Variants in GPC6 observed in about 807,000 individuals in gnomAD.
The protein encoded by GPC6 is glypican 6.
A neutral mutation model predicts 55.2 loss-of-function variants in GPC6; 14 were observed. That is an observed-to-expected ratio of 0.25 (90% confidence interval 0.17 to 0.40). The LOEUF (loss-of-function observed/expected upper bound fraction) is 0.40, where lower values mean the gene tolerates loss of function less well. Among genes scored for constraint, GPC6 ranks in the 10% least tolerant of loss-of-function variants. GPC6 has a pLI of 1.00. For missense variants in GPC6, 641 were observed against 708.5 expected (o/e 0.90, Z 1.08); for synonymous variants, 278 against 259.6 (o/e 1.07, Z -0.68).
At chr13:93,663,048 A>G (rs1880988148) in intron 2 of GPC6, among the ~76,000 whole-genome samples, 1 of 151,200 alleles carries the variant, frequency 6.6e-6, no homozygotes, top group Non-Finnish European at 1.5e-5. Flanking sequence ...TCACCTAGGC[A>G]TTAACAAATG....
chr13:93,806,236 A>T (rs1004565794), intron 2 of GPC6, among the ~76,000 whole-genome samples: 1 of 152,068 alleles, frequency 6.6e-6, no homozygotes, highest in African/African-American at 2.4e-5. Context: ...CAATTTGGAG[A>T]GTATGTTCAT....
intron 3 of GPC6, among the ~76,000 whole-genome samples, chr13:93,883,632 C>T (rs1235943568): frequency 6.6e-6 from 1 of 152,000 alleles, no homozygotes; most frequent in Non-Finnish European, 1.5e-5. Flanking sequence ...ATGTCCTTAG[C>T]CCACTTTTTG....
chr13:93,816,811 A>G (rs1304362106), intron 2 of GPC6, among the ~76,000 whole-genome samples: 3 of 152,216 alleles, frequency 2.0e-5, no homozygotes, highest in East Asian at 1.9e-4. Context: ...ATATTCACAA[A>G]TTATTTACAA....
intron 6 of GPC6, among the ~76,000 whole-genome samples, chr13:94,341,076 A>G (rs1212307706): frequency 6.6e-6 from 1 of 152,262 alleles, no homozygotes; most frequent in Admixed American, 6.5e-5. Context: ...ACAGGTTATC[A>G]TTATTGAACG....
At chr13:93,406,100 C>G (rs1156340387) in intron 1 of GPC6, among the ~76,000 whole-genome samples, 1 of 152,162 alleles carries the variant, frequency 6.6e-6, no homozygotes, top group Non-Finnish European at 1.5e-5. Context: ...TAAAGCCAGT[C>G]AAAGGACAGC....
At chr13:94,285,333 T>C (rs548019383) in intron 4 of GPC6, among the ~76,000 whole-genome samples, 1 of 152,242 alleles carries the variant, frequency 6.6e-6, no homozygotes, top group African/African-American at 2.4e-5. Context: ...TTTATTGTGG[T>C]TGGGGGAGAT....
In GPC6 at chr13:94,153,315, A is replaced by G. The variant is rs148548408; in HGVS notation, c.877+125421A>G. 4.4e-3 allele frequency among the ~76,000 whole-genome samples: 665 copies of G among 152,190 alleles called. 5 individuals carry two copies. The highest frequency in any genetic ancestry group is 0.016 in the African/African-American group (649 of 41,538). ...TTAGCTTAGCAAAATAAAGATCATC[A>G]CTGTTACCAATTAGATCAAATACTT... On this transcript the variant is annotated intron_variant, in intron 4 of 8. Transcript: ENST00000377047.
At chr13:94,043,311 G>A (rs1883608469) in intron 4 of GPC6, among the ~76,000 whole-genome samples, 2 of 151,676 alleles carry the variant, frequency 1.3e-5, no homozygotes, top group African/African-American at 4.8e-5. Flanking sequence ...ATATGTGTAT[G>A]TATACTACTT....
chr13:93,661,585 A>G (rs1008627237), intron 2 of GPC6, among the ~76,000 whole-genome samples: 1 of 152,176 alleles, frequency 6.6e-6, no homozygotes, highest in Non-Finnish European at 1.5e-5. Context: ...ACAGAAAGGA[A>G]GCAAGACCTT....
intron 1 of GPC6, among the ~76,000 whole-genome samples, chr13:93,459,681 A>AT (rs199524003): frequency 0.04 from 6,055 of 152,144 alleles, 148 homozygotes; most frequent in South Asian, 0.073. Context: ...CCACAGTGTC[A>AT]TTTTTTGGAG....
chr13:94,359,405 AATAC>A, intron 6 of GPC6, among the ~76,000 whole-genome samples: 1 of 152,312 alleles, frequency 6.6e-6, no homozygotes, highest in African/African-American at 2.4e-5. Flanking sequence ...TAATGAGAAA[AATAC>A]AAAAAATAAT....
intron 2 of GPC6, among the ~76,000 whole-genome samples, chr13:93,556,473 G>A (rs1488721542): frequency 6.7e-6 from 1 of 148,816 alleles, no homozygotes. Context: ...GGCATGCAGT[G>A]TGAAATAAGC....
intron 2 of GPC6, among the ~76,000 whole-genome samples, chr13:93,728,231 T>TG (rs1883711660): frequency 6.9e-6 from 1 of 145,790 alleles, no homozygotes; most frequent in African/African-American, 2.5e-5. Flanking sequence ...TTTGTTTGTT[T>TG]TTTGAGACAG....
At chr13:93,235,031 AT>A (rs1270048287) in intron 1 of GPC6, among the ~76,000 whole-genome samples, 21 of 152,096 alleles carry the variant, frequency 1.4e-4, no homozygotes, top group African/African-American at 5.1e-4. Flanking sequence ...AAAACTTCAA[AT>A]TTTTTACCCT....
intron 3 of GPC6, among the ~76,000 whole-genome samples, chr13:93,915,128 T>C (rs567980216): frequency 6.6e-6 from 1 of 152,342 alleles, no homozygotes; most frequent in South Asian, 2.1e-4. Flanking sequence ...GGAATTTCCC[T>C]GGGCTGTTGT....
chr13:94,198,253 G>A (rs1479728940), intron 4 of GPC6, among the ~76,000 whole-genome samples: 1 of 152,042 alleles, frequency 6.6e-6, no homozygotes, highest in Non-Finnish European at 1.5e-5. Context: ...TAAAGACACA[G>A]GTGAAAGTCC....
intron 3 of GPC6, among the ~76,000 whole-genome samples, chr13:93,843,941 GAAAAATAATGCTTC>G (rs967890446): frequency 5.3e-4 from 81 of 152,128 alleles, no homozygotes; most frequent in African/African-American, 1.8e-3. Context: ...CATGTGTCAA[GAAAAATAATGCTTC>G]AAAAATAATG....
At chr13:94,336,455 T>C (rs1028330095) in intron 6 of GPC6, among the ~76,000 whole-genome samples, 3 of 152,178 alleles carry the variant, frequency 2.0e-5, no homozygotes. Flanking sequence ...CCGTAGTCTT[T>C]CTTATGAGCC....
chr13:93,545,254 T>G lies in GPC6; in HGVS notation c.161-9T>G, dbSNP rs1484909756. On this transcript the variant is annotated splice_polypyrimidine_tract_variant and intron_variant, in intron 1 of 8. Transcript: ENST00000377047. ...GAATGCAATAGTGACATTTAACTTC[T>G]CATTGCAGGGGAACACTTAAGAATC... 6.2e-7 allele frequency: 1 copy of G among 1,609,246 alleles called. No individual in the cohort carries two copies. The highest frequency in any genetic ancestry group is 8.5e-7 in the Non-Finnish European group (1 of 1,175,838).
Sources: gnomAD v4.1 joint callset for allele counts (sites outside exome capture counted in the v4.1 genomes callset) on GRCh38, gnomAD v4.1.1 for gene constraint, MANE v1.5 for transcripts, NCBI Gene and HGNC (gene_info 2026-07-23, HGNC 2026-07-21) for gene names.